FYB1: variants seen among roughly 807,000 people sequenced by gnomAD.
FYB1 encodes FYN binding protein 1, also known as FYN-binding protein 1.
FYB1 carries 41 observed loss-of-function variants against 94.1 expected under a neutral mutation model. The observed-to-expected ratio is 0.44, with a 90% CI of 0.34 to 0.57. The LOEUF is 0.57. Among genes scored for constraint, FYB1 ranks in the 20% least tolerant of loss-of-function variants. The pLI is 0.02. For missense variants in FYB1, 1,050 were observed against 976.8 expected (o/e 1.07, Z -1.00); for synonymous variants, 367 against 353.2 (o/e 1.04, Z -0.44).
chr5:39,205,009 G>A (rs1213402588), intron 1 of FYB1, among the ~76,000 whole-genome samples: 1 of 152,146 alleles, frequency 6.6e-6, no homozygotes, highest in African/African-American at 2.4e-5. Flanking sequence ...GAATTTGGGT[G>A]CTTGGGGGAG....
chr5:39,122,538 C>T, intron 13 of FYB1, 136 bp from the exon 14 acceptor site: 1 of 555,238 alleles, frequency 1.8e-6, no homozygotes, highest in Non-Finnish European at 3.2e-6. Context: ...GTAAATTTCT[C>T]CTGGAAGCAT....
intron 1 of FYB1, among the ~76,000 whole-genome samples, chr5:39,233,683 C>T (rs577240591): frequency 2.6e-5 from 4 of 152,176 alleles, no homozygotes; most frequent in African/African-American, 9.6e-5. Flanking sequence ...TAATGCCTGG[C>T]ATAATAGAAA....
Position 39,202,195 on chromosome 5 carries a change from T to C in FYB1, c.766A>G (p.Ser256Gly), listed in dbSNP as rs751158772. 5.0e-6 allele frequency: 8 copies of C among 1,614,036 alleles called. No homozygotes were observed. The South Asian group carries it at 6.6e-5, about 13-fold the overall frequency. The part of the protein sequence containing the change: ...ENKDHAGEIS[S>G]LPFPGVVLKP... Reference sequence around the variant, plus strand: ...AAAACCACTCCAGGAAAGGGCAAACTTGAAATCTCCCCTGCATGGTCTTTA... The same window carrying C: ...AAAACCACTCCAGGAAAGGGCAAACCTGAAATCTCCCCTGCATGGTCTTTA... The change falls in exon 2 of 19, where the codon AGT (serine) becomes GGT (glycine). Residue 256 changes from serine to glycine, a missense_variant. Coordinates refer to ENST00000512982, the MANE Select transcript of FYB1 (RefSeq NM_001465.6).
At chr5:39,218,639 T>C (rs941770584) in intron 1 of FYB1, among the ~76,000 whole-genome samples, 1 of 152,196 alleles carries the variant, frequency 6.6e-6, no homozygotes, top group Non-Finnish European at 1.5e-5. Context: ...TATCCCCATG[T>C]TTAGATGAGA....
chr5:39,205,283 G>T (rs1248765581), intron 1 of FYB1, among the ~76,000 whole-genome samples: 1 of 152,210 alleles, frequency 6.6e-6, no homozygotes, highest in Non-Finnish European at 1.5e-5. Flanking sequence ...GCCTGGGTTT[G>T]AATCTTACTC....
intron 3 of FYB1, among the ~76,000 whole-genome samples, chr5:39,143,495 T>C (rs1742369574): frequency 6.8e-6 from 1 of 146,896 alleles, no homozygotes; most frequent in Admixed American, 6.6e-5. Context: ...AGTGTCCTGG[T>C]AATCAGAATT....
At chr5:39,199,107 T>G (rs1233693360) in intron 2 of FYB1, among the ~76,000 whole-genome samples, 1 of 151,502 alleles carries the variant, frequency 6.6e-6, no homozygotes, top group Non-Finnish European at 1.5e-5. Flanking sequence ...TATATGTATA[T>G]TATTATTTAA....
At chr5:39,191,277 G>A (rs920868023) in intron 2 of FYB1, among the ~76,000 whole-genome samples, 8 of 152,272 alleles carry the variant, frequency 5.3e-5, no homozygotes, top group Non-Finnish European at 7.4e-5. Context: ...GAAGAGAAGC[G>A]TGTCCCTCTT....
chr5:39,152,569 C>A (rs944609557), intron 3 of FYB1, among the ~76,000 whole-genome samples: 4 of 152,144 alleles, frequency 2.6e-5, no homozygotes, highest in Non-Finnish European at 5.9e-5. Context: ...AATATCTAGT[C>A]CATTTTGTCT....
chr5:39,158,549 A>T (rs1032278998), intron 2 of FYB1, among the ~76,000 whole-genome samples: 1 of 152,192 alleles, frequency 6.6e-6, no homozygotes, highest in Non-Finnish European at 1.5e-5. Flanking sequence ...ACTCATGGGA[A>T]ATGGAAATTG....
chr5:39,222,886 T>G (rs185908276), upstream of FYB1, among the ~76,000 whole-genome samples: 1 of 152,226 alleles, frequency 6.6e-6, no homozygotes, highest in East Asian at 1.9e-4. Flanking sequence ...GATTCTCCCC[T>G]TGTCACTCTG....
chr5:39,208,475 T>C (rs1749054195), intron 1 of FYB1, among the ~76,000 whole-genome samples: 1 of 152,242 alleles, frequency 6.6e-6, no homozygotes, highest in South Asian at 2.1e-4. Context: ...TTGTTAGTTA[T>C]GTTGAGATAA....
chr5:39,205,796 G>A (rs182182773), intron 1 of FYB1, among the ~76,000 whole-genome samples: 43 of 152,214 alleles, frequency 2.8e-4, no homozygotes, highest in African/African-American at 9.1e-4. Context: ...TACTAACCAC[G>A]TGATCTAGCA....
At chr5:39,206,275 A>G (rs184617603) in intron 1 of FYB1, among the ~76,000 whole-genome samples, 4 of 152,326 alleles carry the variant, frequency 2.6e-5, no homozygotes, top group African/African-American at 9.6e-5. Context: ...CAACTATGTA[A>G]TCACTAATAT....
At chr5:39,233,332 C>A (rs1462220848) in intron 1 of FYB1, among the ~76,000 whole-genome samples, 1 of 152,098 alleles carries the variant, frequency 6.6e-6, no homozygotes, top group East Asian at 1.9e-4. Flanking sequence ...GCAGTGTCTC[C>A]TGGCCAGCTT....
Position 39,119,597 on chromosome 5 carries a change from T to A in FYB1, c.2176A>T (p.Lys726Ter). The change falls in exon 15 of 19, where the codon AAG (lysine) becomes TAG (stop). Residue 726 changes from lysine (K) to a stop codon, truncating the protein, a stop_gained. Transcript: ENST00000512982. LOFTEE classifies it high-confidence loss of function. ...TGCTTTTTTAGCTTCTTAAGGTCCT[T>A]TTCTTCTGTCTTAGCTTTTCCAACA... ...TNVGKAKTEE[K>*]DLKKLKKQEK... 1 of 1,550,952 alleles carries A rather than the reference T, an allele frequency of 6.4e-7. No individual in the cohort carries two copies. Among genetic ancestry groups the A allele is most frequent in the Non-Finnish European group, 8.7e-7 (1 of 1,146,928 alleles).
At chr5:39,190,363 G>T (rs1206713255) in intron 2 of FYB1, among the ~76,000 whole-genome samples, 1 of 152,190 alleles carries the variant, frequency 6.6e-6, no homozygotes, top group Non-Finnish European at 1.5e-5. Flanking sequence ...TTGGGGGCAG[G>T]TGATGGAATG....
chr5:39,221,988 G>A (rs750466014), upstream of FYB1, among the ~76,000 whole-genome samples: 6 of 151,694 alleles, frequency 4.0e-5, no homozygotes, highest in Non-Finnish European at 7.4e-5. Context: ...GCCAACAAGA[G>A]CAAGACTCTG....
At chr5:39,200,069 G>T (rs1158070309) in intron 2 of FYB1, among the ~76,000 whole-genome samples, 1 of 152,148 alleles carries the variant, frequency 6.6e-6, no homozygotes, top group Non-Finnish European at 1.5e-5. Context: ...TGTTGAGGGG[G>T]TTACACTGAT....
Sources: gnomAD v4.1 joint callset for allele counts (sites outside exome capture counted in the v4.1 genomes callset) on GRCh38, gnomAD v4.1.1 for gene constraint, MANE v1.5 for transcripts, NCBI Gene and HGNC (gene_info 2026-07-23, HGNC 2026-07-21) for gene names.